Variants in PPP1R42 observed in about 807,000 individuals in gnomAD.
PPP1R42 encodes protein phosphatase 1 regulatory subunit 42.
In PPP1R42, 34 loss-of-function variants were observed where a neutral mutation model predicts 31.0. The observed-to-expected ratio is 1.10, with a 90% CI of 0.83 to 1.46. PPP1R42 has a LOEUF of 1.46. Ranked by LOEUF, PPP1R42 falls within the 40% of genes most tolerant of loss-of-function variation. PPP1R42 has a pLI of 0.00. For missense variants in PPP1R42, 268 were observed against 303.0 expected (o/e 0.88, Z 0.86); for synonymous variants, 103 against 109.8 (o/e 0.94, Z 0.39).
At chr8:67,012,568 G>T (rs1815874906) in intron 4 of PPP1R42, among the ~76,000 whole-genome samples, 1 of 152,172 alleles carries the variant, frequency 6.6e-6, no homozygotes, top group East Asian at 1.9e-4. Flanking sequence ...CTCTCTACTA[G>T]ATTGTTTAAA....
chr8:66,980,867 G>A (rs1008111184), intron 7 of PPP1R42, among the ~76,000 whole-genome samples: 1 of 151,820 alleles, frequency 6.6e-6, no homozygotes, highest in Non-Finnish European at 1.5e-5. Flanking sequence ...CTTTAAGACG[G>A]AGTCTTGTTC....
chr8:66,970,652 C>T (rs1294956667), intron 7 of PPP1R42, among the ~76,000 whole-genome samples: 1 of 152,180 alleles, frequency 6.6e-6, no homozygotes, highest in African/African-American at 2.4e-5. Flanking sequence ...TCAGCTAGGC[C>T]TCAGGCTCCT....
At chr8:67,006,582 G>T (rs1209394973) in intron 5 of PPP1R42, among the ~76,000 whole-genome samples, 1 of 152,018 alleles carries the variant, frequency 6.6e-6, no homozygotes, top group East Asian at 1.9e-4. Context: ...GTCCAGGCTG[G>T]TTTTGAATTC....
At position 67,007,157 on chromosome 8, in the gene PPP1R42, C is replaced by A. The variant is rs578176742; in HGVS notation, c.552+3558G>T. On this transcript the variant is annotated intron_variant, in intron 5 of 7. Coordinates refer to ENST00000685739, the MANE Select transcript of PPP1R42 (RefSeq NM_001364910.1). The stretch of plus-strand genomic sequence containing the variant: ...CCTCCCAAAGTGCAGGGATTACAGG[C>A]GTGAGCCACTGTGCCTGGCCGAGGG... Among the ~76,000 whole-genome samples the A allele has an allele frequency of 3.3e-5, 5 of 152,084 alleles. No individual in the cohort carries two copies. In the East Asian group the frequency reaches 9.7e-4, roughly 29 times the overall value.
In PPP1R42 at chr8:67,010,944, T is replaced by G. The variant is rs1374026544; in HGVS notation, c.436-113A>C. 7.1e-6 allele frequency: 7 copies of G among 988,096 alleles called. No homozygotes were observed. The Admixed American group carries it at 2.2e-4, about 31-fold the overall frequency. The allele number at this position is 988,096 out of a possible 1,614,324, so 61.2% of individuals were successfully genotyped here. Reference sequence around the variant, plus strand: ...GCTTGATCAGTTCAGGTTGTTTTGTTCTTTAGGCAAAAACATCAAAAGCCA... The same window carrying G: ...GCTTGATCAGTTCAGGTTGTTTTGTGCTTTAGGCAAAAACATCAAAAGCCA... On this transcript the variant is annotated intron_variant, in intron 4 of 7. Transcript: ENST00000685739.
chr8:67,024,489 T>G (rs555217211), intron 1 of PPP1R42, among the ~76,000 whole-genome samples: 15 of 151,880 alleles, frequency 9.9e-5, no homozygotes, highest in Admixed American at 2.0e-4. Context: ...AATTTTTTTT[T>G]TTTTTAGATG....
At chr8:66,971,297 C>T (rs1022118007) in intron 7 of PPP1R42, among the ~76,000 whole-genome samples, 1 of 152,066 alleles carries the variant, frequency 6.6e-6, no homozygotes, top group Non-Finnish European at 1.5e-5. Flanking sequence ...GAAAAAATAG[C>T]ACAGACTTTC....
At chr8:66,980,202 A>G (rs186519648) in intron 7 of PPP1R42, among the ~76,000 whole-genome samples, 71 of 152,152 alleles carry the variant, frequency 4.7e-4, no homozygotes, top group African/African-American at 1.7e-3. Context: ...AGAAAATCCC[A>G]TTCTACTTAA....
chr8:66,990,375 G>T (rs1023749086), intron 5 of PPP1R42, among the ~76,000 whole-genome samples: 1 of 152,154 alleles, frequency 6.6e-6, no homozygotes, highest in Non-Finnish European at 1.5e-5. Context: ...ACTCCCTCCA[G>T]TGTATGTTTA....
At chr8:66,987,352 C>T (rs920121988) in intron 6 of PPP1R42, among the ~76,000 whole-genome samples, 2 of 138,774 alleles carry the variant, frequency 1.4e-5, no homozygotes, top group African/African-American at 5.6e-5. Flanking sequence ...AGTGCAATGG[C>T]GTGATCTCGG....
chr8:67,018,334 T>C (rs1816082084), intron 1 of PPP1R42, among the ~76,000 whole-genome samples: 1 of 151,796 alleles, frequency 6.6e-6, no homozygotes, highest in Non-Finnish European at 1.5e-5. Flanking sequence ...GCCAGGCTGG[T>C]CTCGAACTCC....
intron 6 of PPP1R42, chr8:66,985,252 C>T (rs1208599250): frequency 1.4e-5 from 15 of 1,075,442 alleles, no homozygotes; most frequent in African/African-American, 6.2e-5. Flanking sequence ...TTTAAAAGTG[C>T]GTTTCTGGCG....
intron 6 of PPP1R42, among the ~76,000 whole-genome samples, chr8:66,987,596 AT>A (rs1157653206): frequency 6.6e-6 from 1 of 152,082 alleles, no homozygotes; most frequent in Non-Finnish European, 1.5e-5. Context: ...CCGGCCTCAA[AT>A]GTTCTTATTT....
rs187852272 is a variant in PPP1R42, at chr8:67,023,635, C to G, written c.-85+4856G>C. Among the ~76,000 whole-genome samples the G allele has an allele frequency of 1.2e-4, 18 of 152,190 alleles. No homozygotes were observed. The East Asian group carries it at 2.3e-3, about 20-fold the overall frequency. ...CAGATTATATATGAGTAACAGTCTA[C>G]TACTTCCCAAACCTTTTATCTCTTT... On this transcript the variant is annotated intron_variant, in intron 1 of 7. Coordinates refer to ENST00000685739, the MANE Select transcript of PPP1R42 (RefSeq NM_001364910.1).
chr8:66,984,182 G>GTTCA, intron 6 of PPP1R42: 12 of 1,583,348 alleles, frequency 7.6e-6, no homozygotes, highest in Non-Finnish European at 1.0e-5. Context: ...TCCCAGTAAT[G>GTTCA]TTCAGCCCCA....
intron 5 of PPP1R42, among the ~76,000 whole-genome samples, chr8:66,988,970 CA>C (rs1227933993): frequency 6.6e-6 from 1 of 150,748 alleles, no homozygotes; most frequent in African/African-American, 2.4e-5. Context: ...AAAAAAAGAC[CA>C]AAAAACAAAC....
intron 7 of PPP1R42, among the ~76,000 whole-genome samples, chr8:66,981,536 C>T (rs1003230509): frequency 5.3e-5 from 8 of 151,780 alleles, no homozygotes; most frequent in Admixed American, 3.9e-4. Flanking sequence ...CCTGTCACCA[C>T]GCCTGGCTAA....
intron 5 of PPP1R42, 37 bp downstream of exon 5, chr8:67,010,678 T>C: frequency 2.2e-6 from 3 of 1,365,026 alleles, no homozygotes; most frequent in South Asian, 2.5e-5. Context: ...CATAATTTCA[T>C]GTAAATATCT....
In PPP1R42 at chr8:66,964,211, T is replaced by A; in HGVS notation, c.*110A>T. 1.4e-6 allele frequency: 1 copy of A among 700,008 alleles called. No individual in the cohort carries two copies. The highest frequency in any genetic ancestry group is 2.3e-5 in the Admixed American group (1 of 42,618). The allele number at this position is 700,008 out of a possible 1,614,324, so 43.4% of individuals were successfully genotyped here. On this transcript the variant is annotated 3_prime_UTR_variant, in exon 8 of 8. Transcript: ENST00000685739. ...AACAAAATCAAACGTTTCCTGTCAC[T>A]TGAGGCTGAATTTACTCATTTTCCA...
Sources: gnomAD v4.1 joint callset for allele counts (sites outside exome capture counted in the v4.1 genomes callset) on GRCh38, gnomAD v4.1.1 for gene constraint, MANE v1.5 for transcripts, NCBI Gene and HGNC (gene_info 2026-07-23, HGNC 2026-07-21) for gene names.